Variants in CACNB4 observed in about 807,000 individuals in gnomAD.
The protein encoded by CACNB4 is voltage-dependent L-type calcium channel subunit beta-4.
In CACNB4, 32 loss-of-function variants were observed where a neutral mutation model predicts 71.2. That is an observed-to-expected ratio of 0.45 (90% CI 0.34 to 0.60). The LOEUF is 0.60. Ranked by LOEUF, CACNB4 falls within the 20% of genes least tolerant of loss-of-function variation. The pLI, the probability that CACNB4 is intolerant of heterozygous loss-of-function variation, is 0.01. For missense variants in CACNB4, 464 were observed against 647.9 expected, an observed-to-expected ratio of 0.72 and a Z score of 3.08; for synonymous variants, 231 against 236.9, an observed-to-expected ratio of 0.97 and a Z score of 0.23.
rs2151304609 is a variant in CACNB4, at chr2:151,834,363, A to T, written c.*4756T>A. ...TATATAACTACGACTCCCCAAACCA[A>T]TTGCTACTCACTCTTAATTATACTT... On this transcript the variant is annotated 3_prime_UTR_variant, in exon 14 of 14. Transcript: ENST00000539935. 1 of 152,078 alleles carries T rather than the reference A, an allele frequency of 6.6e-6. No individual in the cohort carries two copies. The highest frequency in any genetic ancestry group is 1.9e-4 in the East Asian group (1 of 5,188). 9.4% of individuals were successfully genotyped at this position (152,078 alleles called of 1,614,324 possible).
intron 2 of CACNB4, among the ~76,000 whole-genome samples, chr2:152,091,975 T>C (rs1687996875): frequency 6.6e-6 from 1 of 152,258 alleles, no homozygotes; most frequent in African/African-American, 2.4e-5. Context: ...TTCCAGGATC[T>C]GAGAGGAATA....
At chr2:151,957,320 A>G (rs1439153162) in intron 2 of CACNB4, among the ~76,000 whole-genome samples, 2 of 128,602 alleles carry the variant, frequency 1.6e-5, no homozygotes, top group African/African-American at 2.7e-5. Context: ...AATCCCTGAT[A>G]AAATATATTG....
At chr2:151,990,443 G>T (rs988161451) in intron 2 of CACNB4, among the ~76,000 whole-genome samples, 6 of 152,136 alleles carry the variant, frequency 3.9e-5, no homozygotes, top group Non-Finnish European at 8.8e-5. Context: ...ACACATCCCT[G>T]CTGTGGGGTC....
At position 152,098,260 on chromosome 2, in the gene CACNB4, C is replaced by T. The variant is rs2105501875; in HGVS notation, c.147+70G>A. On this transcript the variant is annotated intron_variant, in intron 2 of 13. Transcript: ENST00000539935. This position sits in a 1 kb window ranked among gnomAD's most constrained non-coding sequence, Gnocchi z 5.3. ...CAGCTCCCGCACGTGTGGGCCACGG[C>T]CGGCTCCAGGACCCCCGCGCCGCGC... 2 of 1,266,126 alleles carry T rather than the reference C, an allele frequency of 1.6e-6. No individual in the cohort carries two copies. The highest frequency in any genetic ancestry group is 2.3e-6 in the Non-Finnish European group (2 of 867,656). The allele number at this position is 1,266,126 out of a possible 1,614,324, so 78.4% of individuals were successfully genotyped here.
At chr2:151,974,163 G>A (rs1053572686) in intron 2 of CACNB4, 40 of 160,780 alleles carry the variant, frequency 2.5e-4, no homozygotes, top group Middle Eastern at 3.2e-3. Context: ...TGGAATGTTT[G>A]GAAAGGCAAA....
At position 151,839,244 on chromosome 2, in the gene CACNB4, G is replaced by A; in HGVS notation, c.1438C>T (p.His480Tyr). Residue 480 changes from histidine to tyrosine, a missense_variant, in exon 14 of 14, where the codon CAT (histidine) becomes TAT (tyrosine). His to Tyr is a moderately conservative substitution (Grantham distance 83, BLOSUM62 2). Transcript: ENST00000539935. ...ACAAGAGGGTAATGATCTCGGCTATGCTGAGAACTGGAAGACAAGCGGTTC... is the reference window on the plus strand; with the variant it reads ...ACAAGAGGGTAATGATCTCGGCTATACTGAGAACTGGAAGACAAGCGGTTC... Reference protein sequence around the residue: ...SRNRLSSSSQHSRDHYPLVEE... With the variant: ...SRNRLSSSSQYSRDHYPLVEE... 1 of 1,613,666 alleles carries A rather than the reference G, an allele frequency of 6.2e-7. No individual in the cohort carries two copies. The highest frequency in any genetic ancestry group is 8.5e-7 in the Non-Finnish European group (1 of 1,179,724).
chr2:151,948,188 C>T (rs149195249), intron 2 of CACNB4, among the ~76,000 whole-genome samples: 24 of 152,330 alleles, frequency 1.6e-4, no homozygotes, highest in African/African-American at 4.8e-4. Flanking sequence ...AGCTCTCCTA[C>T]CCCAAAGCCA....
intron 2 of CACNB4, among the ~76,000 whole-genome samples, chr2:151,949,644 C>T (rs1490355604): frequency 1.3e-5 from 2 of 152,172 alleles, no homozygotes; most frequent in African/African-American, 4.8e-5. Context: ...GCCATGATGT[C>T]AAGGTCCTGA....
At chr2:152,095,146 T>A (rs879130759) in intron 2 of CACNB4, among the ~76,000 whole-genome samples, 1 of 152,064 alleles carries the variant, frequency 6.6e-6, no homozygotes, top group Admixed American at 6.6e-5. Flanking sequence ...AAAACCTCCA[T>A]CCCTCCTAAA....
At chr2:151,946,671 C>A (rs1057030236) in intron 2 of CACNB4, among the ~76,000 whole-genome samples, 1 of 152,170 alleles carries the variant, frequency 6.6e-6, no homozygotes, top group East Asian at 1.9e-4. Context: ...GTGTCCTGAG[C>A]ACCCCAGGGC....
At chr2:152,052,976 T>C (rs1202362084) in intron 2 of CACNB4, among the ~76,000 whole-genome samples, 1 of 151,904 alleles carries the variant, frequency 6.6e-6, no homozygotes, top group African/African-American at 2.4e-5. Flanking sequence ...AGCAAGACTC[T>C]GTCTAAAAAA....
rs1029291930 is a variant in CACNB4, at chr2:151,833,744, G to A, written c.*5375C>T. On this transcript the variant is annotated 3_prime_UTR_variant, in exon 14 of 14. Coordinates refer to ENST00000539935, the MANE Select transcript of CACNB4 (RefSeq NM_000726.5). ...ACTGCCAAATTTAACGGTGGATTTTGTTATAAGTTTGTGCTATAACAAATG... is the reference window on the plus strand; with the variant it reads ...ACTGCCAAATTTAACGGTGGATTTTATTATAAGTTTGTGCTATAACAAATG... 1.3e-5 allele frequency: 2 copies of A among 151,944 alleles called. No homozygotes were observed. Among genetic ancestry groups the A allele is most frequent in the African/African-American group, 4.8e-5 (2 of 41,404 alleles). 9.4% of individuals were successfully genotyped at this position (151,944 alleles called of 1,614,324 possible).
chr2:151,981,134 C>T (rs750930708), intron 2 of CACNB4, among the ~76,000 whole-genome samples: 5 of 152,196 alleles, frequency 3.3e-5, no homozygotes, highest in Non-Finnish European at 5.9e-5. Context: ...CTCTATCTCC[C>T]ACACCTCTAC....
intron 2 of CACNB4, among the ~76,000 whole-genome samples, chr2:151,890,980 A>T (rs934371129): frequency 1.3e-5 from 2 of 152,170 alleles, no homozygotes; most frequent in Non-Finnish European, 2.9e-5. Flanking sequence ...CCACTTATTT[A>T]CAGATTATTT....
chr2:151,978,835 G>A (rs1330603252), intron 2 of CACNB4, among the ~76,000 whole-genome samples: 2 of 152,116 alleles, frequency 1.3e-5, no homozygotes, highest in African/African-American at 4.8e-5. Flanking sequence ...CCAGCCTCCT[G>A]CTGCCCTCAT....
chr2:151,934,992 A>C (rs1051742597), intron 2 of CACNB4, among the ~76,000 whole-genome samples: 15 of 152,236 alleles, frequency 9.9e-5, no homozygotes, highest in African/African-American at 3.6e-4. Context: ...ACACTTTCCA[A>C]GTAAAGGTAG....
intron 2 of CACNB4, among the ~76,000 whole-genome samples, chr2:151,977,717 C>A (rs1297071915): frequency 2.0e-5 from 3 of 152,148 alleles, no homozygotes; most frequent in African/African-American, 7.2e-5. Flanking sequence ...TAATTTTCCA[C>A]CTAAATTTCT....
chr2:152,040,427 ATTATT>A (rs768485300), intron 2 of CACNB4, among the ~76,000 whole-genome samples: 27 of 152,000 alleles, frequency 1.8e-4, no homozygotes, highest in Non-Finnish European at 3.5e-4. Flanking sequence ...ATCTATTTGT[ATTATT>A]TTATTTTATT....
chr2:151,972,707 T>G (rs1020388099), intron 2 of CACNB4: 2 of 138,684 alleles, frequency 1.4e-5, no homozygotes, highest in African/African-American at 2.6e-5. Flanking sequence ...TTGTTTTTTG[T>G]TTTTTTTTTG....
Sources: gnomAD v4.1 joint callset for allele counts (sites outside exome capture counted in the v4.1 genomes callset) on GRCh38, gnomAD v4.1.1 for gene constraint, Gnocchi (gnomAD v3.1) non-coding constraint, MANE v1.5 for transcripts, NCBI Gene and HGNC (gene_info 2026-07-23, HGNC 2026-07-21) for gene names.